UBR3: variants seen among roughly 807,000 people sequenced by gnomAD.
UBR3 encodes the protein E3 ubiquitin-protein ligase UBR3.
Under a neutral mutation model 243.2 loss-of-function variants are expected in UBR3, and 85 were observed. That is an observed-to-expected ratio of 0.35 (90% CI 0.29 to 0.42). The LOEUF is 0.42. Among genes scored for constraint, UBR3 ranks in the 10% least tolerant of loss-of-function variants. UBR3 has a pLI of 1.00. For synonymous variants in UBR3, 748 were observed against 799.8 expected (o/e 0.94, Z 1.09); for missense variants, 1,686 against 2,300.8 (o/e 0.73, Z 5.47).
intron 8 of UBR3, among the ~76,000 whole-genome samples, chr2:169,898,779 G>T (rs1393675417): frequency 6.9e-6 from 1 of 143,930 alleles, no homozygotes; most frequent in Non-Finnish European, 1.5e-5. Context: ...TCAGCTCACT[G>T]CAAGCTCTGC....
Position 169,905,278 on chromosome 2 carries a change from G to C in UBR3, c.1630G>C (p.Val544Leu). The change falls in exon 9 of 39, where the codon GTA (valine) becomes CTA (leucine). Residue 544 changes from valine to leucine, a missense_variant. By Grantham distance (32) the Val-to-Leu change is conservative (BLOSUM62 1). Transcript: ENST00000272793. ...TTTGTTAGTTACATGGATGAACTTT[G>C]TATCTTTCTTTCAAGGTATGAATTT... ...HGLLVTWMNF[V>L]SFFQGMNLNK... 1 of 1,520,624 alleles carries C rather than the reference G, an allele frequency of 6.6e-7. No individual in the cohort carries two copies. Among genetic ancestry groups the C allele is most frequent in the Non-Finnish European group, 8.8e-7 (1 of 1,134,708 alleles). 94.2% of individuals were successfully genotyped at this position (1,520,624 alleles called of 1,614,324 possible). A position where few individuals can be genotyped will look rare whatever the true frequency, so the allele number is the denominator to read the frequency against.
At chr2:169,846,459 C>T (rs1448994407) in intron 1 of UBR3, among the ~76,000 whole-genome samples, 1 of 152,090 alleles carries the variant, frequency 6.6e-6, no homozygotes, top group African/African-American at 2.4e-5. Context: ...CGCCTGTAAT[C>T]CCAGCACTTT....
At chr2:170,067,915 C>T (rs2091612921) in intron 35 of UBR3, among the ~76,000 whole-genome samples, 1 of 151,638 alleles carries the variant, frequency 6.6e-6, no homozygotes, top group African/African-American at 2.4e-5. Flanking sequence ...ATTACAGGTG[C>T]CCAACACCAT....
chr2:169,866,442 C>T (rs776148908), intron 1 of UBR3, among the ~76,000 whole-genome samples: 7 of 151,562 alleles, frequency 4.6e-5, no homozygotes, highest in Admixed American at 6.6e-5. Flanking sequence ...CAGCCCACTG[C>T]AACCTCCGCC....
chr2:169,916,522 G>A (rs1197041245), intron 11 of UBR3, among the ~76,000 whole-genome samples: 1 of 151,864 alleles, frequency 6.6e-6, no homozygotes, highest in Non-Finnish European at 1.5e-5. Flanking sequence ...CCCTTCTGTG[G>A]AGAAGCCCTG....
intron 4 of UBR3, among the ~76,000 whole-genome samples, chr2:169,878,088 G>A (rs62170278): frequency 0.057 from 8,621 of 152,260 alleles, 291 homozygotes; most frequent in Non-Finnish European, 0.084. Context: ...GGCTGGGCAC[G>A]GAGGCTTATG....
At chr2:169,868,788 G>A (rs956714770) in intron 1 of UBR3, among the ~76,000 whole-genome samples, 4 of 152,036 alleles carry the variant, frequency 2.6e-5, no homozygotes, top group Non-Finnish European at 4.4e-5. Context: ...AGATTCCCTC[G>A]GAAAGGAATT....
chr2:169,891,351 T>A (rs2084367805), intron 6 of UBR3, 120 bp downstream of exon 6: 1 of 633,932 alleles, frequency 1.6e-6, no homozygotes, highest in African/African-American at 1.8e-5. Context: ...GGGAGGCTTA[T>A]GTTATTAGAT....
At chr2:169,942,850 T>C (rs1427305584) in intron 20 of UBR3, among the ~76,000 whole-genome samples, 2 of 152,218 alleles carry the variant, frequency 1.3e-5, no homozygotes, top group African/African-American at 4.8e-5. Flanking sequence ...ATTTATCTTA[T>C]CTAGCTACCG....
intron 5 of UBR3, among the ~76,000 whole-genome samples, chr2:169,881,898 CAT>C (rs2083861509): frequency 9.5e-6 from 1 of 105,006 alleles, no homozygotes; most frequent in East Asian, 2.9e-4. Flanking sequence ...TACATGTATA[CAT>C]ATAGGTATAT....
At chr2:169,909,959 T>TGA (rs1039867414) in intron 10 of UBR3, among the ~76,000 whole-genome samples, 33 of 152,154 alleles carry the variant, frequency 2.2e-4, no homozygotes, top group African/African-American at 7.5e-4. Context: ...ACATTGTTGA[T>TGA]GAGAGAGAGA....
chr2:170,078,023 C>T (rs1247182980), intron 36 of UBR3: 33 of 684,792 alleles, frequency 4.8e-5, no homozygotes, highest in Non-Finnish European at 4.7e-5. Flanking sequence ...GGTTGTCCCT[C>T]TCTGTCCAGC....
chr2:170,001,574 A>G (rs1325099728), intron 27 of UBR3, among the ~76,000 whole-genome samples, 160 bp downstream of exon 27: 1 of 152,140 alleles, frequency 6.6e-6, no homozygotes. Context: ...TTCAACTTCA[A>G]GGATTTTCAT....
At chr2:169,993,353 G>A (rs1271449055) in intron 25 of UBR3, among the ~76,000 whole-genome samples, 1 of 152,010 alleles carries the variant, frequency 6.6e-6, no homozygotes, top group South Asian at 2.1e-4. Flanking sequence ...ATTTTTTGTG[G>A]TCAGAGTCAG....
At chr2:169,958,995 G>A (rs16857337) in intron 24 of UBR3, among the ~76,000 whole-genome samples, 1,773 of 152,224 alleles carry the variant, frequency 0.012, 48 homozygotes, top group African/African-American at 0.039. Context: ...CCATGTTTCT[G>A]TATGATAGTA....
At chr2:169,898,392 A>C (rs1042540008) in intron 8 of UBR3, among the ~76,000 whole-genome samples, 1 of 152,206 alleles carries the variant, frequency 6.6e-6, no homozygotes, top group Non-Finnish European at 1.5e-5. Flanking sequence ...GTACTCAACT[A>C]TATGCTAGAC....
At chr2:170,035,493 G>C (rs4667613) in intron 31 of UBR3, among the ~76,000 whole-genome samples, 126,012 of 151,902 alleles carry the variant, frequency 0.83, 53,189 homozygotes, top group South Asian at 0.92. Context: ...TCTATTTCTG[G>C]GCTCTCTGTT....
At chr2:170,078,163 A>C in intron 36 of UBR3, 1 of 564,492 alleles carries the variant, frequency 1.8e-6, no homozygotes, top group Admixed American at 2.4e-5. Flanking sequence ...TAGCCTTCAG[A>C]CCAATCATTT....
At chr2:170,001,250 A>G (rs2105399796) in intron 26 of UBR3, 54 bp from the exon 27 acceptor site, 2 of 1,262,464 alleles carry the variant, frequency 1.6e-6, no homozygotes, top group South Asian at 1.2e-5. Context: ...TAATATTTAA[A>G]TATGTTTGTA....
Sources: allele counts gnomAD v4.1 joint callset (sites outside exome capture counted in the v4.1 genomes callset), GRCh38; gene constraint gnomAD v4.1.1; transcripts MANE v1.5; gene names NCBI Gene and HGNC (gene_info 2026-07-23, HGNC 2026-07-21).